Variants in MLST8 observed in about 807,000 individuals in gnomAD.
The protein encoded by MLST8 is target of rapamycin complex subunit LST8.
In MLST8, 20 loss-of-function variants were observed where a neutral mutation model predicts 41.3. That is an observed-to-expected ratio of 0.48 (90% CI 0.34 to 0.70). The LOEUF (loss-of-function observed/expected upper bound fraction) is 0.70. MLST8 is among the 30% of genes least tolerant of loss of function. MLST8 has a pLI of 0.01. For missense variants in MLST8, 422 were observed against 454.3 expected, an observed-to-expected ratio of 0.93 and a Z score of 0.65; for synonymous variants, 243 against 183.0, an observed-to-expected ratio of 1.33 and a Z score of -2.65.
At chr16:2,205,631 G>A (rs986949529) in intron 1 of MLST8, 119 bp downstream of exon 1, 1 of 966,312 alleles carries the variant, frequency 1.0e-6, no homozygotes, top group Non-Finnish European at 1.2e-6. Flanking sequence ...AGGGGAGCTC[G>A]GGGGTCCAGC....
In MLST8 at chr16:2,206,021, T is replaced by C; in HGVS notation, c.-55-10T>C. ...AGTGTCTTCTAAGTACTTCACATCC[T>C]TCTCTGCAGATGCTCTGACCTTTGA... On this transcript the variant is annotated splice_polypyrimidine_tract_variant and intron_variant, in intron 1 of 8. Transcript: ENST00000569417. 1 of 1,521,066 alleles carries C rather than the reference T, an allele frequency of 6.6e-7. No individual in the cohort carries two copies. Among genetic ancestry groups the C allele is most frequent in the Non-Finnish European group, 8.8e-7 (1 of 1,132,656 alleles). 94.2% of individuals were successfully genotyped at this position (1,521,066 alleles called of 1,614,324 possible).
Position 2,206,059 on chromosome 16 carries a change from A to T in MLST8, c.-27A>T, listed in dbSNP as rs1043301697. ...CTCTGACCTTTGACCCCTGCCGTTCAGCTCTAGGGCCCGTGCAGGCCACAC... is the reference window on the plus strand; with the variant it reads ...CTCTGACCTTTGACCCCTGCCGTTCTGCTCTAGGGCCCGTGCAGGCCACAC... On this transcript the variant is annotated 5_prime_UTR_variant, in exon 2 of 9. Coordinates refer to ENST00000569417, the MANE Select transcript of MLST8 (RefSeq NM_022372.6). 6.4e-7 allele frequency: 1 copy of T among 1,555,140 alleles called. No homozygotes were observed. Among genetic ancestry groups the T allele is most frequent in the East Asian group, 2.3e-5 (1 of 44,056 alleles).
intron 4 of MLST8, 22 bp downstream of exon 4, chr16:2,206,681 C>A (rs947131600): frequency 6.5e-7 from 1 of 1,533,020 alleles, no homozygotes. Flanking sequence ...AGGGGGCGTG[C>A]TGCCCGGGGC....
chr16:2,205,921 G>C lies in MLST8; in HGVS notation c.-55-110G>C, dbSNP rs1159503690. The C allele has an allele frequency of 2.1e-6, 3 of 1,445,316 alleles. No homozygotes were observed. The East Asian group carries it at 7.2e-5, about 34-fold the overall frequency. The allele number at this position is 1,445,316 out of a possible 1,614,324, so 89.5% of individuals were successfully genotyped here. On this transcript the variant is annotated intron_variant, in intron 1 of 8. Transcript: ENST00000569417. ...GTCCCTGAACCTACCTGCGCTTCTT[G>C]TCCCAACTCTAAAATGGGAATGATA... is the stretch of plus-strand genomic sequence containing the variant.
In MLST8 at chr16:2,206,044, T is replaced by A; in HGVS notation, c.-42T>A. On this transcript the variant is annotated 5_prime_UTR_variant, in exon 2 of 9. Coordinates refer to ENST00000569417, the MANE Select transcript of MLST8 (RefSeq NM_022372.6). ...CCTTCTCTGCAGATGCTCTGACCTT[T>A]GACCCCTGCCGTTCAGCTCTAGGGC... 1 of 1,513,962 alleles carries A rather than the reference T, an allele frequency of 6.6e-7. No individual in the cohort carries two copies. The highest frequency in any genetic ancestry group is 8.9e-7 in the Non-Finnish European group (1 of 1,123,856). The allele number at this position is 1,513,962 out of a possible 1,614,324, so 93.8% of individuals were successfully genotyped here.
At chr16:2,205,748 C>T (rs2093269351) in intron 1 of MLST8, 1 of 1,021,110 alleles carries the variant, frequency 9.8e-7, no homozygotes, top group East Asian at 8.8e-5. Context: ...ACGCGCAGCC[C>T]GCCCCTGCGG....
At chr16:2,207,436 G>A (rs1162511101) in intron 6 of MLST8, 91 bp downstream of exon 6, 22 of 1,490,836 alleles carry the variant, frequency 1.5e-5, no homozygotes, top group South Asian at 1.2e-4. Context: ...GTCCCTTAGC[G>A]GCCCCCTCCT....
rs750067441 is a variant in MLST8 at position 2,208,921 on chromosome 16, G to C, written c.*44G>C. On this transcript the variant is annotated 3_prime_UTR_variant, in exon 9 of 9. Transcript: ENST00000569417. ...TGCCTGGTGCAGGTGGTGGCAGCTG[G>C]AGGGACCCATGCAGCACCCAGGTCA... is the stretch of plus-strand genomic sequence containing the variant. The C allele has an allele frequency of 2.9e-5, 46 of 1,598,594 alleles. No homozygotes were observed. The highest frequency in any genetic ancestry group is 3.8e-5 in the Non-Finnish European group (45 of 1,171,554).
In MLST8 at chr16:2,206,654, C is replaced by T. The variant is rs1305016986; in HGVS notation, c.339C>T (p.Asp113=). 7 of 1,613,116 alleles carry T rather than the reference C, an allele frequency of 4.3e-6. No homozygotes were observed. In the Admixed American group the frequency reaches 8.3e-5, roughly 19 times the overall value. ...AGGACTGCACAGCCAGGATCTGGGACCTCAGGTGCGGTGGGGAGGGGGCGT... is the reference window on the plus strand; with the variant it reads ...AGGACTGCACAGCCAGGATCTGGGATCTCAGGTGCGGTGGGGAGGGGGCGT... ...GGEDCTARIW[D]LRSRNLQCQR... Residue 113 remains aspartate, a synonymous_variant, in exon 4 of 9, where the codon GAC becomes GAT. Coordinates refer to ENST00000569417, the MANE Select transcript of MLST8 (RefSeq NM_022372.6).
rs1333533902 is a variant in MLST8 at position 2,206,350 on chromosome 16, A to G, written c.130-8A>G. ...CTACCTTCCCGTCATCCTCCTTAAC[A>G]GTCCCAGCAGGTGAATGCCTTGGAG... On this transcript the variant is annotated splice_polypyrimidine_tract_variant and splice_region_variant and intron_variant, in intron 2 of 8. Transcript: ENST00000569417. 10 of 1,613,840 alleles carry G rather than the reference A, an allele frequency of 6.2e-6. No individual in the cohort carries two copies. The highest frequency in any genetic ancestry group is 1.7e-5 in the Admixed American group (1 of 60,002).
rs2093355557 is a variant in MLST8 at position 2,209,122 on chromosome 16, T to G, written c.*245T>G. On this transcript the variant is annotated 3_prime_UTR_variant, in exon 9 of 9. Transcript: ENST00000569417. ...CTGGACTGGGCTAGCCTGCACTGCC[T>G]GGGAAAGTCGGCCGAGGGCCCAAAG... 1 of 639,556 alleles carries G rather than the reference T, an allele frequency of 1.6e-6. No individual in the cohort carries two copies. Among genetic ancestry groups the G allele is most frequent in the Admixed American group, 2.9e-5 (1 of 34,246 alleles). The allele number at this position is 639,556 out of a possible 1,614,324, so 39.6% of individuals were successfully genotyped here.
At chr16:2,205,969 TG>T in intron 1 of MLST8, 61 bp from the exon 2 acceptor site, 1 of 1,472,082 alleles carries the variant, frequency 6.8e-7, no homozygotes. Flanking sequence ...CAGCGCCTTG[TG>T]GGTCTATAAT....
intron 1 of MLST8, 40 bp from the exon 2 acceptor site, chr16:2,205,991 C>G: frequency 2.0e-6 from 3 of 1,502,194 alleles, no homozygotes; most frequent in Non-Finnish European, 2.7e-6. Context: ...CTACTTAGCA[C>G]AGAGAGTGTC....
Position 2,209,148 on chromosome 16 carries a change from C to T in MLST8, c.*271C>T, listed in dbSNP as rs1168665975. ...GGGAAAGTCGGCCGAGGGCCCAAAG[C>T]TGCTGAGGGGTCTGAGGCTGGTGCC... On this transcript the variant is annotated 3_prime_UTR_variant, in exon 9 of 9. Transcript: ENST00000569417. The T allele has an allele frequency of 1.9e-5, 12 of 643,524 alleles. No individual in the cohort carries two copies. The highest frequency in any genetic ancestry group is 2.9e-5 in the Non-Finnish European group (11 of 375,470). The allele number at this position is 643,524 out of a possible 1,614,324, so 39.9% of individuals were successfully genotyped here.
intron 7 of MLST8, 40 bp downstream of exon 7, chr16:2,208,374 G>A: frequency 6.2e-7 from 1 of 1,605,910 alleles, no homozygotes; most frequent in Non-Finnish European, 8.5e-7. Context: ...GGACCTGCCT[G>A]GGCTGGGGGC....
Position 2,209,350 on chromosome 16 carries a change from C to G in MLST8, c.*473C>G. ...GGATTGGGGACGGGCCAGGCTGGGC[C>G]AGGTCGGGGGCTCAGTCTGGGAGGT... On this transcript the variant is annotated 3_prime_UTR_variant, in exon 9 of 9. Transcript: ENST00000569417. 2 of 1,606,944 alleles carry G rather than the reference C, an allele frequency of 1.2e-6. No homozygotes were observed. The highest frequency in any genetic ancestry group is 1.7e-6 in the Non-Finnish European group (2 of 1,174,860).
At position 2,206,484 on chromosome 16, in the gene MLST8, C is replaced by T; in HGVS notation, c.182-13C>T. 1 of 1,611,478 alleles carries T rather than the reference C, an allele frequency of 6.2e-7. No individual in the cohort carries two copies. The highest frequency in any genetic ancestry group is 8.5e-7 in the Non-Finnish European group (1 of 1,177,748). ...TCAGCACAGCCAAGCTTCAGTTCAG[C>T]CTGTGTCCCTAGGTTACCAGCACAT... On this transcript the variant is annotated splice_polypyrimidine_tract_variant and intron_variant, in intron 3 of 8. Coordinates refer to ENST00000569417, the MANE Select transcript of MLST8 (RefSeq NM_022372.6).
At chr16:2,206,953 G>A (rs992865561) in intron 4 of MLST8, 82 bp from the exon 5 acceptor site, 165 of 1,531,598 alleles carry the variant, frequency 1.1e-4, no homozygotes, top group Non-Finnish European at 1.4e-4. Flanking sequence ...CAGAGGGAGG[G>A]GAGGAATGGC....
At chr16:2,207,135 C>T (rs760709050) in intron 5 of MLST8, 25 bp downstream of exon 5, 2 of 1,613,150 alleles carry the variant, frequency 1.2e-6, no homozygotes, top group Non-Finnish European at 1.7e-6. Flanking sequence ...TGGGGCCAGG[C>T]ACCCTGGGAC....
Sources: allele counts gnomAD v4.1 joint callset, GRCh38; gene constraint gnomAD v4.1.1; transcripts MANE v1.5; gene names NCBI Gene and HGNC (gene_info 2026-07-23, HGNC 2026-07-21).